Variants in PARD3B observed in about 807,000 individuals in gnomAD.
The protein encoded by PARD3B is partitioning defective 3 homolog B.
Under a neutral mutation model 130.2 loss-of-function variants are expected in PARD3B, and 103 were observed. That is an observed-to-expected ratio of 0.79 (90% confidence interval 0.67 to 0.93). The LOEUF (loss-of-function observed/expected upper bound fraction) is 0.93. PARD3B is among the 40% of genes least tolerant of loss of function. The pLI, the probability that PARD3B is intolerant of heterozygous loss-of-function variation, is 0.00. For synonymous variants in PARD3B, 583 were observed against 553.2 expected, an observed-to-expected ratio of 1.05 and a Z score of -0.76; for missense variants, 1,609 against 1,499.2, an observed-to-expected ratio of 1.07 and a Z score of -1.21.
At chr2:205,022,401 A>G (rs533190948) in intron 3 of PARD3B, among the ~76,000 whole-genome samples, 1 of 152,324 alleles carries the variant, frequency 6.6e-6, no homozygotes, top group South Asian at 2.1e-4. Context: ...AGCGAAACCA[A>G]CTTAGAGTGA....
chr2:204,750,320 C>T (rs555667075), intron 2 of PARD3B, among the ~76,000 whole-genome samples: 6 of 152,124 alleles, frequency 3.9e-5, no homozygotes, highest in African/African-American at 9.7e-5. Context: ...CTGTGACTCA[C>T]GCCTGTAATC....
intron 1 of PARD3B, among the ~76,000 whole-genome samples, chr2:204,551,157 T>C (rs1347100973): frequency 6.6e-6 from 1 of 152,232 alleles, no homozygotes; most frequent in African/African-American, 2.4e-5. Flanking sequence ...TGGGGCCTGC[T>C]GTGACCCACA....
chr2:204,554,048 A>G (rs952766588), intron 1 of PARD3B, among the ~76,000 whole-genome samples: 2 of 152,096 alleles, frequency 1.3e-5, no homozygotes, highest in African/African-American at 4.8e-5. Context: ...GAAATAAAAA[A>G]ATTTTAAAAA....
intron 2 of PARD3B, among the ~76,000 whole-genome samples, chr2:204,961,233 G>T (rs1028236349): frequency 6.6e-6 from 1 of 152,158 alleles, no homozygotes; most frequent in African/African-American, 2.4e-5. Context: ...GCTGTGTTGC[G>T]CGCAGGGGAA....
chr2:204,712,886 T>A (rs1331827346), intron 2 of PARD3B, among the ~76,000 whole-genome samples: 1 of 152,152 alleles, frequency 6.6e-6, no homozygotes, highest in Non-Finnish European at 1.5e-5. Context: ...TATGTATATA[T>A]CCCTAAATAA....
intron 15 of PARD3B, among the ~76,000 whole-genome samples, chr2:205,203,384 T>C (rs1271590246): frequency 6.6e-6 from 1 of 152,104 alleles, no homozygotes; most frequent in African/African-American, 2.4e-5. Flanking sequence ...AAGCCTTTTT[T>C]TTTTCACTTT....
intron 18 of PARD3B, among the ~76,000 whole-genome samples, chr2:205,349,820 T>TTTA (rs1553682358): frequency 5.7e-5 from 8 of 139,556 alleles, no homozygotes; most frequent in East Asian, 4.1e-4. Flanking sequence ...TTTTTTTTTT[T>TTTA]AAAAAAAGAG....
intron 19 of PARD3B, among the ~76,000 whole-genome samples, chr2:205,426,508 ACTT>A (rs1394245256): frequency 6.6e-6 from 1 of 152,150 alleles, no homozygotes; most frequent in Non-Finnish European, 1.5e-5. Flanking sequence ...TAATGATACT[ACTT>A]CTTTTACCCC....
At chr2:205,270,426 G>A (rs979487437) in intron 16 of PARD3B, among the ~76,000 whole-genome samples, 28 of 152,036 alleles carry the variant, frequency 1.8e-4, no homozygotes, top group African/African-American at 5.1e-4. Context: ...AATTAGCCAA[G>A]TATCATGTCA....
intron 2 of PARD3B, 122 bp downstream of exon 2, chr2:204,686,404 T>A: frequency 1.3e-6 from 1 of 744,752 alleles, no homozygotes; most frequent in Non-Finnish European, 2.3e-6. Flanking sequence ...CTGTTCAGGT[T>A]TCACCTGGAC....
chr2:204,681,907 A>G (rs898417522), intron 1 of PARD3B, among the ~76,000 whole-genome samples: 9 of 152,208 alleles, frequency 5.9e-5, no homozygotes, highest in Admixed American at 4.6e-4. Flanking sequence ...CTCCCTCTCT[A>G]TTCTTGGCAG....
At chr2:204,935,854 GA>G (rs1463484692) in intron 2 of PARD3B, among the ~76,000 whole-genome samples, 2 of 152,056 alleles carry the variant, frequency 1.3e-5, no homozygotes, top group African/African-American at 4.8e-5. Flanking sequence ...ATAATTACAG[GA>G]TTATAGATGG....
At position 204,967,940 on chromosome 2, in the gene PARD3B, A is replaced by G. The variant is rs555749519; in HGVS notation, c.394+2617A>G. 1.2e-4 allele frequency among the ~76,000 whole-genome samples: 19 copies of G among 152,086 alleles called. No individual in the cohort carries two copies. The East Asian group carries it at 3.5e-3, about 28-fold the overall frequency. On this transcript the variant is annotated intron_variant, in intron 3 of 22. Transcript: ENST00000406610. The surrounding 1 kb of genome is among the most constrained non-coding windows in gnomAD (Gnocchi z 4.4). Reference sequence around the variant, plus strand: ...GGGGCGGTGAGAGGAGTTTTGCAGCACCTGTGCCCCAGCAGTTCCTCCTAA... The same window carrying G: ...GGGGCGGTGAGAGGAGTTTTGCAGCGCCTGTGCCCCAGCAGTTCCTCCTAA...
intron 3 of PARD3B, among the ~76,000 whole-genome samples, chr2:205,037,621 A>G (rs1253840220): frequency 6.7e-6 from 1 of 148,608 alleles, no homozygotes; most frequent in East Asian, 1.9e-4. Flanking sequence ...TATTTTATAT[A>G]TAGTCGACTG....
intron 16 of PARD3B, among the ~76,000 whole-genome samples, chr2:205,296,888 AAT>A (rs1553663237): frequency 2.9e-4 from 44 of 151,198 alleles, no homozygotes; most frequent in African/African-American, 9.4e-4. Flanking sequence ...AAAAAAAAAA[AAT>A]ATGTGGCATT....
chr2:204,842,825 A>C (rs552802290), intron 2 of PARD3B, among the ~76,000 whole-genome samples: 11 of 152,238 alleles, frequency 7.2e-5, no homozygotes, highest in Admixed American at 7.2e-4. Flanking sequence ...GAGCTGAGTC[A>C]CTGAGGACTG....
At chr2:204,605,934 C>A (rs1467378358) in intron 1 of PARD3B, among the ~76,000 whole-genome samples, 1 of 152,118 alleles carries the variant, frequency 6.6e-6, no homozygotes, top group Admixed American at 6.6e-5. Context: ...TGCTGCCTCA[C>A]CCAGTTGTCT....
chr2:205,448,568 T>TA (rs1229446369), intron 20 of PARD3B, among the ~76,000 whole-genome samples: 3 of 152,342 alleles, frequency 2.0e-5, no homozygotes, highest in African/African-American at 7.2e-5. Flanking sequence ...AAAGATATTT[T>TA]AAAGTATGGA....
chr2:204,715,032 G>T (rs2038652749), intron 2 of PARD3B, among the ~76,000 whole-genome samples: 1 of 152,070 alleles, frequency 6.6e-6, no homozygotes, highest in Non-Finnish European at 1.5e-5. Context: ...CTTTTGAAAG[G>T]CTTACCAATA....
Sources: gnomAD v4.1 joint callset for allele counts (sites outside exome capture counted in the v4.1 genomes callset) on GRCh38, gnomAD v4.1.1 for gene constraint, Gnocchi (gnomAD v3.1) non-coding constraint, MANE v1.5 for transcripts, NCBI Gene and HGNC (gene_info 2026-07-23, HGNC 2026-07-21) for gene names.